NAALADL2: variants seen among roughly 807,000 people sequenced by gnomAD.
The protein encoded by NAALADL2 is inactive N-acetylated-alpha-linked acidic dipeptidase-like protein 2.
A neutral mutation model predicts 87.2 loss-of-function variants in NAALADL2; 76 were observed. That is an observed-to-expected ratio of 0.87 (90% CI 0.72 to 1.05). NAALADL2 has a LOEUF of 1.05. NAALADL2 is among the 50% of genes least tolerant of loss of function. NAALADL2 has a pLI of 0.00. For synonymous variants in NAALADL2, 354 were observed against 331.0 expected (o/e 1.07, Z -0.75); for missense variants, 1,089 against 945.8 (o/e 1.15, Z -1.99).
chr3:174,856,844 A>T (rs2109509909), upstream of NAALADL2, among the ~76,000 whole-genome samples: 1 of 152,260 alleles, frequency 6.6e-6, no homozygotes, highest in East Asian at 1.9e-4. Context: ...AGACTGCAAA[A>T]GTTACAGCCA....
At chr3:175,389,954 A>G (rs2216512) in intron 5 of NAALADL2, among the ~76,000 whole-genome samples, 34,724 of 152,090 alleles carry the variant, frequency 0.23, 4,519 homozygotes, top group East Asian at 0.47. Flanking sequence ...ACTTGGTACT[A>G]TATGCAAAAA....
chr3:174,793,621 A>G (rs1717721206), intron 3 of NAALADL2, among the ~76,000 whole-genome samples: 1 of 152,158 alleles, frequency 6.6e-6, no homozygotes, highest in Non-Finnish European at 1.5e-5. Context: ...CATCAGAAGT[A>G]TAGATAGCCC....
intron 1 of NAALADL2, among the ~76,000 whole-genome samples, chr3:175,062,476 C>CTGTGTGTGTGTGTGTGTGTGTG (rs71792051): frequency 7.6e-6 from 1 of 131,484 alleles, no homozygotes; most frequent in Non-Finnish European, 1.6e-5. Context: ...GGAAGTTTGG[C>CTGTGTGTGTGTGTGTGTGTGTG]TGTGTGTGTG....
At position 174,908,027 on chromosome 3, in the gene NAALADL2, T is replaced by G. The variant is rs1286822277; in HGVS notation, c.43+48577T>G. On this transcript the variant is annotated intron_variant, in intron 1 of 13. Coordinates refer to ENST00000454872, the MANE Select transcript of NAALADL2 (RefSeq NM_207015.3). ...TTTCGAAAGAGAGAAGTTGGTTTTT[T>G]TTTTTTTTTTTTTTTTTGGCCTGAG... is the stretch of plus-strand genomic sequence containing the variant. Among the ~76,000 whole-genome samples the G allele has an allele frequency of 1.0e-4, 15 of 146,434 alleles. 1 individual carries two copies. The highest frequency in any genetic ancestry group is 6.4e-4 in the South Asian group (3 of 4,656).
intron 9 of NAALADL2, among the ~76,000 whole-genome samples, chr3:175,521,019 C>A (rs1732582656): frequency 6.6e-6 from 1 of 151,986 alleles, no homozygotes; most frequent in African/African-American, 2.4e-5. Context: ...AATAGTGTCT[C>A]CCTTCAGCCC....
intron 9 of NAALADL2, among the ~76,000 whole-genome samples, chr3:175,474,850 G>A (rs1043318838): frequency 7.2e-5 from 11 of 151,730 alleles, no homozygotes; most frequent in Non-Finnish European, 1.3e-4. Context: ...CTGCTAAATT[G>A]GTGTCCACTT....
At chr3:174,707,371 C>T (rs1457813925) in intron 2 of NAALADL2, among the ~76,000 whole-genome samples, 2 of 151,968 alleles carry the variant, frequency 1.3e-5, no homozygotes, top group African/African-American at 4.8e-5. Flanking sequence ...GCAATATTCA[C>T]AATAGCAAAG....
chr3:175,048,383 C>A (rs1580183592), intron 1 of NAALADL2, among the ~76,000 whole-genome samples: 1 of 152,200 alleles, frequency 6.6e-6, no homozygotes, highest in East Asian at 1.9e-4. Flanking sequence ...GGAAGGCCCC[C>A]AAAGCCCTTT....
intron 1 of NAALADL2, among the ~76,000 whole-genome samples, chr3:174,949,902 C>T (rs1740062310): frequency 6.6e-6 from 1 of 152,170 alleles, no homozygotes. Flanking sequence ...ATTCTCTGTG[C>T]TCCTTTTTGT....
chr3:175,700,871 T>C (rs905290616), intron 11 of NAALADL2, among the ~76,000 whole-genome samples: 3 of 152,120 alleles, frequency 2.0e-5, no homozygotes, highest in Non-Finnish European at 4.4e-5. Context: ...AAAGTAGTAA[T>C]ATTTCACTTG....
intron 1 of NAALADL2, among the ~76,000 whole-genome samples, chr3:174,452,666 G>A (rs559350874): frequency 1.1e-4 from 17 of 152,070 alleles, no homozygotes; most frequent in African/African-American, 3.9e-4. Flanking sequence ...TTGAGAGCTA[G>A]TCTCAGCCCC....
intron 2 of NAALADL2, among the ~76,000 whole-genome samples, chr3:175,131,097 T>C (rs149836726): frequency 9.2e-5 from 14 of 152,228 alleles, no homozygotes; most frequent in African/African-American, 3.1e-4. Context: ...TGTTTTACAG[T>C]TTTCCTTGAA....
At chr3:175,119,809 A>ATG (rs772198099) in intron 2 of NAALADL2, among the ~76,000 whole-genome samples, 4 of 55,876 alleles carry the variant, frequency 7.2e-5, no homozygotes, top group African/African-American at 2.0e-4. Context: ...TTATGTATCT[A>ATG]TATATAAAAG....
chr3:175,499,987 C>T (rs1729321282), intron 9 of NAALADL2, among the ~76,000 whole-genome samples: 1 of 151,954 alleles, frequency 6.6e-6, no homozygotes, highest in Admixed American at 6.6e-5. Flanking sequence ...AGTAGAGCGT[C>T]AATATTGACA....
chr3:174,616,659 T>A (rs1012649165), intron 2 of NAALADL2, among the ~76,000 whole-genome samples: 1 of 151,924 alleles, frequency 6.6e-6, no homozygotes, highest in African/African-American at 2.4e-5. Context: ...AGTTTTCTTA[T>A]CTACTGTATG....
At position 175,649,526 on chromosome 3, in the gene NAALADL2, G is replaced by A. The variant is rs73881336; in HGVS notation, c.1896+22140G>A. 3.4e-3 allele frequency among the ~76,000 whole-genome samples: 514 copies of A among 152,262 alleles called. 4 individuals carry two copies. The highest frequency in any genetic ancestry group is 0.011 in the African/African-American group (474 of 41,554). On this transcript the variant is annotated intron_variant, in intron 11 of 13. Transcript: ENST00000454872. The stretch of plus-strand genomic sequence containing the variant: ...TTAGTTTTCTCATAGTTCTGGAGGC[G>A]GGGAAGTTCAAGGTGCCAGGAGGGT...
At chr3:175,535,047 C>A (rs957512938) in intron 9 of NAALADL2, among the ~76,000 whole-genome samples, 1 of 152,144 alleles carries the variant, frequency 6.6e-6, no homozygotes, top group Admixed American at 6.5e-5. Context: ...AAACCAGTCA[C>A]TGTGGTGCAT....
At chr3:175,746,243 A>G (rs905021688) in intron 12 of NAALADL2, among the ~76,000 whole-genome samples, 11 of 150,876 alleles carry the variant, frequency 7.3e-5, no homozygotes, top group African/African-American at 2.7e-4. Context: ...TTTCAAGGTG[A>G]TGATCACACT....
intron 2 of NAALADL2, among the ~76,000 whole-genome samples, chr3:175,147,635 A>T (rs1318278842): frequency 1.3e-5 from 2 of 152,070 alleles, no homozygotes; most frequent in Non-Finnish European, 2.9e-5. Context: ...GTTGAATGAT[A>T]GTTCTGTTTT....
Sources: allele counts gnomAD v4.1 joint callset (sites outside exome capture counted in the v4.1 genomes callset), GRCh38; gene constraint gnomAD v4.1.1; transcripts MANE v1.5; gene names NCBI Gene and HGNC (gene_info 2026-07-23, HGNC 2026-07-21).